Variants in NTRK3 observed in about 807,000 individuals in gnomAD.
The protein encoded by NTRK3 is NT-3 growth factor receptor.
A neutral mutation model predicts 91.7 loss-of-function variants in NTRK3; 24 were observed. That is an observed-to-expected ratio of 0.26 (90% CI 0.19 to 0.37). The LOEUF (loss-of-function observed/expected upper bound fraction) is 0.37, where lower values mean the gene tolerates loss of function less well. Among genes scored for constraint, NTRK3 ranks in the 10% least tolerant of loss-of-function variants. The probability of loss-of-function intolerance (pLI) is 1.00; values close to 1 mark genes in which losing one functional copy is unlikely to be tolerated. For synonymous variants in NTRK3, 483 were observed against 404.0 expected (o/e 1.20, Z -2.34); for missense variants, 880 against 1,068.9 (o/e 0.82, Z 2.46).
intron 13 of NTRK3, among the ~76,000 whole-genome samples, chr15:88,103,405 T>C (rs2050373500): frequency 6.6e-6 from 1 of 152,070 alleles, no homozygotes; most frequent in Admixed American, 6.6e-5. Flanking sequence ...GCTTCACTAC[T>C]GCTTGAGCCA....
chr15:87,966,295 A>T (rs1331291874), intron 14 of NTRK3, among the ~76,000 whole-genome samples: 1 of 152,208 alleles, frequency 6.6e-6, no homozygotes, highest in African/African-American at 2.4e-5. Flanking sequence ...AATCAAGCTA[A>T]CACACTAATA....
At chr15:88,049,082 C>T (rs1236742169) in intron 13 of NTRK3, among the ~76,000 whole-genome samples, 1 of 152,220 alleles carries the variant, frequency 6.6e-6, no homozygotes, top group Admixed American at 6.5e-5. Flanking sequence ...TGCTTTTCCT[C>T]TGTGCCTGAT....
At chr15:87,994,732 G>T (rs1339807552) in intron 14 of NTRK3, among the ~76,000 whole-genome samples, 3 of 152,206 alleles carry the variant, frequency 2.0e-5, no homozygotes, top group African/African-American at 7.2e-5. Flanking sequence ...CATAAGGCAG[G>T]AATATGGGAA....
intron 17 of NTRK3, among the ~76,000 whole-genome samples, chr15:87,898,120 T>C (rs886326411): frequency 2.6e-5 from 4 of 152,246 alleles, no homozygotes; most frequent in African/African-American, 9.6e-5. Flanking sequence ...AATTTCTCAA[T>C]GATTATGATC....
Position 88,234,250 on chromosome 15 carries a change from C to A in NTRK3, c.248+21656G>T, listed in dbSNP as rs983973218. Among the ~76,000 whole-genome samples, 1 of 152,152 alleles carries A rather than the reference C, an allele frequency of 6.6e-6. No homozygotes were observed. The highest frequency in any genetic ancestry group is 2.4e-5 in the African/African-American group (1 of 41,436). The stretch of plus-strand genomic sequence containing the variant: ...CTCGACCTTCAAAAAGCTCCCATAG[C>A]CTACACATCTCCAGACTGCACTCTC... On this transcript the variant is annotated intron_variant, in intron 3 of 18. Transcript: ENST00000394480. This position sits in a 1 kb window ranked among gnomAD's most constrained non-coding sequence, Gnocchi z 6.1.
intron 10 of NTRK3, among the ~76,000 whole-genome samples, chr15:88,129,280 A>G (rs1437517011): frequency 6.6e-6 from 1 of 152,226 alleles, no homozygotes; most frequent in Admixed American, 6.5e-5. Context: ...AAATAGCTCA[A>G]CTAATAATGA....
At chr15:87,913,944 G>A (rs1250811592) in intron 17 of NTRK3, among the ~76,000 whole-genome samples, 2 of 152,176 alleles carry the variant, frequency 1.3e-5, no homozygotes, top group African/African-American at 4.8e-5. Context: ...GAAAGAATGA[G>A]CCTTGGAACT....
intron 14 of NTRK3, among the ~76,000 whole-genome samples, chr15:87,960,587 G>A (rs1196093762): frequency 6.6e-6 from 1 of 151,752 alleles, no homozygotes; most frequent in African/African-American, 2.4e-5. Flanking sequence ...CAGGTTCAAG[G>A]GATTCTCCTG....
intron 5 of NTRK3, among the ~76,000 whole-genome samples, chr15:88,150,047 C>T (rs1399201692): frequency 6.6e-6 from 1 of 152,198 alleles, no homozygotes; most frequent in East Asian, 1.9e-4. Context: ...CCAGTGCCTC[C>T]CTGAACAAAA....
intron 14 of NTRK3, among the ~76,000 whole-genome samples, chr15:87,973,545 C>A (rs2073440138): frequency 1.3e-5 from 2 of 152,092 alleles, no homozygotes; most frequent in South Asian, 4.1e-4. Context: ...GGGGTGGTAA[C>A]AGTAGGATTT....
intron 6 of NTRK3, among the ~76,000 whole-genome samples, chr15:88,141,383 G>A (rs1182577903): frequency 1.3e-5 from 2 of 152,214 alleles, no homozygotes; most frequent in Non-Finnish European, 2.9e-5. Context: ...CAGAAGGCCA[G>A]ATGAGCTGCC....
intron 5 of NTRK3, among the ~76,000 whole-genome samples, chr15:88,153,962 A>G (rs1321943677): frequency 6.6e-6 from 1 of 152,086 alleles, no homozygotes; most frequent in East Asian, 1.9e-4. Context: ...GGAGACCATC[A>G]GGCCCTTCTC....
In NTRK3 at chr15:88,203,599, T is replaced by C. The variant is rs8030567; in HGVS notation, c.249-19300A>G. 7.8e-3 allele frequency among the ~76,000 whole-genome samples: 1,188 copies of C among 152,316 alleles called. 15 individuals carry two copies. The highest frequency in any genetic ancestry group is 0.027 in the African/African-American group (1,112 of 41,580). On this transcript the variant is annotated intron_variant, in intron 3 of 18. Coordinates refer to ENST00000394480, the Ensembl canonical transcript of NTRK3. Reference sequence around the variant, plus strand: ...TATTGGGTATGGATATACAGTTAGATGGAAGAAATAAGACCTAATGTTCAA... The same window carrying C: ...TATTGGGTATGGATATACAGTTAGACGGAAGAAATAAGACCTAATGTTCAA...
At chr15:88,151,285 C>G (rs1462348145) in intron 5 of NTRK3, among the ~76,000 whole-genome samples, 1 of 152,132 alleles carries the variant, frequency 6.6e-6, no homozygotes, top group African/African-American at 2.4e-5. Context: ...CTCTCACAGA[C>G]CAGACTCTGG....
chr15:87,931,236 G>T (rs2068767873), intron 16 of NTRK3: 1 of 518,118 alleles, frequency 1.9e-6, no homozygotes, highest in Admixed American at 1.9e-5. Flanking sequence ...TGGAGATACT[G>T]CTGAATGTAA....
exon 19 of NTRK3, chr15:87,869,819 C>T (rs923394134): frequency 7.6e-5 from 15 of 198,406 alleles, no homozygotes; most frequent in South Asian, 1.9e-4. Flanking sequence ...TGAGACAGAA[C>T]ATGGACAGAT....
At chr15:87,948,910 C>T (rs1010808726) in intron 14 of NTRK3, among the ~76,000 whole-genome samples, 1 of 152,146 alleles carries the variant, frequency 6.6e-6, no homozygotes, top group Non-Finnish European at 1.5e-5. Flanking sequence ...GGGCTTCCCT[C>T]ACACATTCTT....
chr15:87,930,563 G>C (rs78491708), intron 16 of NTRK3, among the ~76,000 whole-genome samples: 8 of 152,270 alleles, frequency 5.3e-5, no homozygotes, highest in African/African-American at 1.7e-4. Flanking sequence ...CCTTCTGTCT[G>C]CCTGGAGAGT....
intron 14 of NTRK3, among the ~76,000 whole-genome samples, chr15:87,958,150 G>A (rs937083498): frequency 2.0e-5 from 3 of 152,142 alleles, no homozygotes; most frequent in Non-Finnish European, 4.4e-5. Flanking sequence ...GTGATTTCAG[G>A]GGCATAAAAT....
Sources: allele counts gnomAD v4.1 joint callset (sites outside exome capture counted in the v4.1 genomes callset), GRCh38; gene constraint gnomAD v4.1.1; non-coding constraint Gnocchi (gnomAD v3.1); transcripts MANE v1.5; gene names NCBI Gene and HGNC (gene_info 2026-07-23, HGNC 2026-07-21).